The following RYR2 variants were observed in gnomAD, a reference collection of about 807,000 sequenced individuals.
RYR2 encodes cardiac muscle ryanodine receptor-calcium release channel.
RYR2 carries 227 observed loss-of-function variants against 601.1 expected under a neutral mutation model. The observed-to-expected ratio is 0.38, with a 90% confidence interval of 0.34 to 0.42. The LOEUF is 0.42. Ranked by LOEUF, RYR2 falls within the 10% of genes least tolerant of loss-of-function variation. RYR2 has a pLI of 1.00. For missense variants in RYR2, 4,646 were observed against 6,156.5 expected, an observed-to-expected ratio of 0.75 and a Z score of 8.21; for synonymous variants, 2,223 against 2,175.1, an observed-to-expected ratio of 1.02 and a Z score of -0.61.
intron 1 of RYR2, among the ~76,000 whole-genome samples, chr1:237,159,643 C>T (rs1036135995): frequency 1.3e-5 from 2 of 152,046 alleles, no homozygotes; most frequent in Admixed American, 6.5e-5. Context: ...CCAACCTGGA[C>T]AACAAAGTGT....
At chr1:237,739,164 A>G (rs1421812509) in intron 79 of RYR2, among the ~76,000 whole-genome samples, 1 of 152,186 alleles carries the variant, frequency 6.6e-6, no homozygotes, top group Admixed American at 6.5e-5. Flanking sequence ...GCTCTAAATC[A>G]TGTGCTTACT....
intron 1 of RYR2, chr1:237,270,296 C>T (rs1469939152): frequency 2.7e-6 from 2 of 734,528 alleles, no homozygotes; most frequent in South Asian, 1.5e-5. Flanking sequence ...TTTTCCCCTA[C>T]TCAGTTGCCT....
chr1:237,816,625 G>A (rs1661861726), intron 100 of RYR2, among the ~76,000 whole-genome samples: 2 of 151,842 alleles, frequency 1.3e-5, no homozygotes, highest in South Asian at 4.2e-4. Flanking sequence ...GGAGGCGGAG[G>A]TTGCAGTCAG....
chr1:237,587,034 T>C (rs34433061), intron 29 of RYR2, among the ~76,000 whole-genome samples: 3 of 152,244 alleles, frequency 2.0e-5, no homozygotes, highest in Admixed American at 6.5e-5. Context: ...TCTTTACTTT[T>C]CTTTGTATGT....
chr1:237,522,581 CAT>C (rs1334332919), intron 24 of RYR2, among the ~76,000 whole-genome samples: 1 of 152,162 alleles, frequency 6.6e-6, no homozygotes, highest in Admixed American at 6.5e-5. Context: ...CTCCACCGAC[CAT>C]ATGTTTCATG....
intron 36 of RYR2, among the ~76,000 whole-genome samples, chr1:237,611,867 G>C (rs564594314): frequency 1.1e-3 from 164 of 152,104 alleles, no homozygotes; most frequent in Non-Finnish European, 2.1e-3. Flanking sequence ...CAGTTTGTCA[G>C]TTCCTCAAAA....
intron 100 of RYR2, among the ~76,000 whole-genome samples, chr1:237,813,321 A>G (rs573786863): frequency 3.9e-5 from 6 of 152,356 alleles, no homozygotes; most frequent in Admixed American, 3.9e-4. Context: ...AAGTTTACTT[A>G]GGTTATGTAT....
chr1:237,394,916 G>T (rs34555907), intron 10 of RYR2, among the ~76,000 whole-genome samples: 1 of 152,070 alleles, frequency 6.6e-6, no homozygotes, highest in African/African-American at 2.4e-5. Context: ...GGCAGAAGGC[G>T]AATGGGAAGG....
intron 1 of RYR2, among the ~76,000 whole-genome samples, chr1:237,236,698 G>T (rs1685581473): frequency 6.6e-6 from 1 of 152,166 alleles, no homozygotes; most frequent in South Asian, 2.1e-4. Flanking sequence ...AAGAGAAAAA[G>T]AACTTAGATT....
intron 2 of RYR2, among the ~76,000 whole-genome samples, chr1:237,308,042 C>G (rs1459314351): frequency 6.6e-6 from 1 of 152,130 alleles, no homozygotes; most frequent in Non-Finnish European, 1.5e-5. Context: ...GAAAATGAGG[C>G]CGGAACTTGC....
At chr1:237,346,688 T>C (rs1020297108) in intron 3 of RYR2, among the ~76,000 whole-genome samples, 1 of 152,120 alleles carries the variant, frequency 6.6e-6, no homozygotes, top group Non-Finnish European at 1.5e-5. Context: ...CAGAGTAAAG[T>C]TAGGAAATTG....
At chr1:237,526,789 T>C (rs533085483) in intron 24 of RYR2, among the ~76,000 whole-genome samples, 2 of 152,326 alleles carry the variant, frequency 1.3e-5, no homozygotes, top group South Asian at 4.1e-4. Flanking sequence ...ATTTACTCTG[T>C]AGATTATTTT....
At chr1:237,590,371 A>ATAC (rs1675018075) in intron 30 of RYR2, among the ~76,000 whole-genome samples, 1 of 152,172 alleles carries the variant, frequency 6.6e-6, no homozygotes, top group Non-Finnish European at 1.5e-5. Flanking sequence ...ATGATGAAAA[A>ATAC]TACTTTCCTT....
intron 87 of RYR2, among the ~76,000 whole-genome samples, chr1:237,774,838 G>T (rs181250781): frequency 3.2e-4 from 49 of 152,162 alleles, no homozygotes; most frequent in Non-Finnish European, 6.0e-4. Flanking sequence ...TGGGAATCAG[G>T]ATGATTTCTA....
At chr1:237,101,311 A>AC (rs199544806) in intron 1 of RYR2, among the ~76,000 whole-genome samples, 4,332 of 137,966 alleles carry the variant, frequency 0.031, 108 homozygotes, top group Middle Eastern at 0.051. Flanking sequence ...AAAAAAAAAA[A>AC]AAAAAAAAAA....
Position 237,627,896 on chromosome 1 carries a change from G to T in RYR2, c.6256G>T (p.Val2086Leu). 6.2e-7 allele frequency: 1 copy of T among 1,613,974 alleles called. No individual in the cohort carries two copies. The highest frequency in any genetic ancestry group is 1.3e-5 in the African/African-American group (1 of 75,042). The stretch of plus-strand genomic sequence containing the variant: ...CCCCGAGCTGGTGAGGGCCATGTTT[G>T]TGTTGCTCCATCGGCAGTATGACGG... ...EDPELVRAMF[V>L]LLHRQYDGIG... The change falls in exon 41 of 105, where the codon GTG becomes TTG. Residue 2086 changes from valine (V) to leucine (L), a missense_variant. Val to Leu is a conservative substitution (Grantham distance 32). This residue lies in a region of RYR2 where 170 missense variants were observed against 184.5 expected (regional missense o/e 0.92). Coordinates refer to ENST00000366574, the MANE Select transcript of RYR2 (RefSeq NM_001035.3).
At chr1:237,627,778 T>A in intron 40 of RYR2, 29 bp from the exon 41 acceptor site, 7 of 1,540,970 alleles carry the variant, frequency 4.5e-6, no homozygotes, top group Non-Finnish European at 6.2e-6. Flanking sequence ...TTATTTTTCT[T>A]TTAAAAAATA....
At position 237,702,053 on chromosome 1, in the gene RYR2, TG is replaced by T; in HGVS notation, c.9445del (p.Glu3149ArgfsTer7). On this transcript the variant is annotated frameshift_variant, in exon 66 of 105. Coordinates refer to ENST00000366574, the MANE Select transcript of RYR2 (RefSeq NM_001035.3). LOFTEE classifies it high-confidence loss of function. ...YALGTSKSIY[V>X]ERQRSALGEC... ...TTGGGAACCAGCAAGAGTATTTACG[TG>T]GAGAGGTAAGAATGTTTAAAGTTTA... 6.3e-7 allele frequency: 1 copy of T among 1,579,242 alleles called. No individual in the cohort carries two copies. Among genetic ancestry groups the T allele is most frequent in the Non-Finnish European group, 8.7e-7 (1 of 1,148,886 alleles).
chr1:237,598,686 A>G (rs1559090029), intron 34 of RYR2, among the ~76,000 whole-genome samples: 1 of 152,334 alleles, frequency 6.6e-6, no homozygotes, highest in East Asian at 1.9e-4. Context: ...AGTTTACAGT[A>G]TTAAATGCCT....
Sources: gnomAD v4.1 joint callset for allele counts (sites outside exome capture counted in the v4.1 genomes callset) on GRCh38, gnomAD v4.1.1 for gene constraint, gnomAD v4.1.1 regional missense constraint, MANE v1.5 for transcripts, NCBI Gene and HGNC (gene_info 2026-07-23, HGNC 2026-07-21) for gene names.